TUBGCP4: variants seen among roughly 807,000 people sequenced by gnomAD.
TUBGCP4 encodes the protein tubulin gamma complex component 4.
TUBGCP4 carries 54 observed loss-of-function variants against 91.6 expected under a neutral mutation model. The ratio of observed to expected loss-of-function variants is 0.59; its 90% CI spans 0.47 to 0.74. The LOEUF (loss-of-function observed/expected upper bound fraction) is 0.74. Among genes scored for constraint, TUBGCP4 ranks in the 30% least tolerant of loss-of-function variants. TUBGCP4 has a pLI of 0.00. For missense variants in TUBGCP4, 593 were observed against 800.9 expected (o/e 0.74, Z 3.13); for synonymous variants, 297 against 302.8 (o/e 0.98, Z 0.20).
At chr15:43,386,611 G>C (rs2044377951) in intron 9 of TUBGCP4, among the ~76,000 whole-genome samples, 2 of 147,672 alleles carry the variant, frequency 1.4e-5, no homozygotes, top group Non-Finnish European at 3.0e-5. Context: ...TGTAGTCCCA[G>C]CTACTTACGA....
chr15:43,394,165 G>A (rs1281976038), intron 9 of TUBGCP4: 1 of 150,116 alleles, frequency 6.7e-6, no homozygotes, highest in Admixed American at 6.7e-5. Flanking sequence ...CTCACTGCAA[G>A]CTCTGCCTCC....
rs1346243554 is a variant in TUBGCP4, at chr15:43,401,969, A to ATTTT, written c.1731+122_1731+125dup. On this transcript the variant is annotated intron_variant, in intron 15 of 17. Transcript: ENST00000564079. ...CAATTATTCAAGTCCATTTTAAAAC[A>ATTTT]TTTTTTAAGAATGTGTAAAGCGGCG... is the stretch of plus-strand genomic sequence containing the variant. 2.2e-6 allele frequency: 3 copies of ATTTT among 1,362,948 alleles called. No individual in the cohort carries two copies. The African/African-American group carries it at 4.4e-5, about 20-fold the overall frequency. The allele number at this position is 1,362,948 out of a possible 1,614,324, so 84.4% of individuals were successfully genotyped here.
At chr15:43,404,277 G>A in intron 16 of TUBGCP4, 136 bp from the exon 17 acceptor site, 2 of 972,182 alleles carry the variant, frequency 2.1e-6, no homozygotes, top group East Asian at 2.6e-5. Context: ...AATAGAAATA[G>A]GAATGTGGGA....
intron 7 of TUBGCP4, 87 bp downstream of exon 7, chr15:43,383,591 G>A (rs547402574): frequency 3.7e-5 from 45 of 1,216,212 alleles, no homozygotes; most frequent in Admixed American, 8.1e-5. Context: ...TCCCTTCTTA[G>A]CTCATAGCTG....
chr15:43,372,096 G>A (rs1025491002), intron 1 of TUBGCP4, among the ~76,000 whole-genome samples: 2 of 152,144 alleles, frequency 1.3e-5, no homozygotes, highest in Non-Finnish European at 2.9e-5. Flanking sequence ...GGTCTGTCTG[G>A]CTTCAGTATT....
At chr15:43,383,913 G>A (rs1361692874) in intron 7 of TUBGCP4, among the ~76,000 whole-genome samples, 1 of 152,010 alleles carries the variant, frequency 6.6e-6, no homozygotes, top group East Asian at 1.9e-4. Context: ...CAATTCTCCT[G>A]CCTTAGCCTC....
chr15:43,371,119 G>C lies in TUBGCP4; in HGVS notation c.-236G>C, dbSNP rs1024371016. 6.8e-6 allele frequency: 4 copies of C among 590,822 alleles called. No individual in the cohort carries two copies. The African/African-American group carries it at 7.5e-5, about 11-fold the overall frequency. The allele number at this position is 590,822 out of a possible 1,614,324, so 36.6% of individuals were successfully genotyped here. A position where few individuals can be genotyped will look rare whatever the true frequency, so the allele number is the denominator to read the frequency against. ...GCGACTCAGTCTCCGCAGAGCCCGG[G>C]CGGGAGTAGCTGGTGGACCCCGTTG... On this transcript the variant is annotated 5_prime_UTR_variant, in exon 1 of 18. Transcript: ENST00000564079.
rs2044228926 is a variant in TUBGCP4 at position 43,377,667 on chromosome 15, C to T, written c.385-180C>T. 4 of 549,430 alleles carry T rather than the reference C, an allele frequency of 7.3e-6. No individual in the cohort carries two copies. The East Asian group carries it at 1.4e-4, about 19-fold the overall frequency. The allele number at this position is 549,430 out of a possible 1,614,324, so 34.0% of individuals were successfully genotyped here. On this transcript the variant is annotated intron_variant, in intron 4 of 17. Coordinates refer to ENST00000564079, the MANE Select transcript of TUBGCP4 (RefSeq NM_014444.5). ...AAAGAAACTGCCTCTCTCTGCCATC[C>T]TCTTCCTATCTGCAGCGAACCTCCA...
Position 43,406,586 on chromosome 15 carries a change from T to G in TUBGCP4, c.*1372T>G, listed in dbSNP as rs780167834. 4.4e-6 allele frequency: 2 copies of G among 456,008 alleles called. No homozygotes were observed. The highest frequency in any genetic ancestry group is 3.1e-5 in the South Asian group (2 of 64,554). 28.2% of individuals were successfully genotyped at this position (456,008 alleles called of 1,614,324 possible). On this transcript the variant is annotated 3_prime_UTR_variant, in exon 18 of 18. Coordinates refer to ENST00000564079, the MANE Select transcript of TUBGCP4 (RefSeq NM_014444.5). ...CCCACAAAGCCTGAAATATTTACTC[T>G]TTGACCCTTTACAGAAAAAAACCTT...
Position 43,397,085 on chromosome 15 carries a change from A to G in TUBGCP4, c.1172-129A>G, listed in dbSNP as rs2044593471. ...GAGAAGGATGGATGGGTGTTAGACA[A>G]ATGAAACAGATGTCCACTGTGTCCT... is the stretch of plus-strand genomic sequence containing the variant. On this transcript the variant is annotated intron_variant, in intron 11 of 17. Transcript: ENST00000564079. 4.2e-6 allele frequency: 3 copies of G among 710,006 alleles called. No individual in the cohort carries two copies. In the Admixed American group the frequency reaches 6.1e-5, roughly 14 times the overall value. 44.0% of individuals were successfully genotyped at this position (710,006 alleles called of 1,614,324 possible). A position where few individuals can be genotyped will look rare whatever the true frequency, so the allele number is the denominator to read the frequency against.
chr15:43,382,536 C>T (rs756526195), intron 6 of TUBGCP4, among the ~76,000 whole-genome samples: 56 of 152,308 alleles, frequency 3.7e-4, no homozygotes, highest in Admixed American at 1.9e-3. Flanking sequence ...TATAATGTTT[C>T]ACAATCTGGA....
chr15:43,409,179 G>A lies in TUBGCP4; in HGVS notation c.*3965G>A. ...CAGCAGCCATAATGAGCCATGAAGA[G>A]CAGATCTGAAGACTCCCAACTACTA... On this transcript the variant is annotated 3_prime_UTR_variant, in exon 18 of 18. Coordinates refer to ENST00000564079, the MANE Select transcript of TUBGCP4 (RefSeq NM_014444.5). The A allele has an allele frequency of 8.1e-6, 11 of 1,349,988 alleles. No homozygotes were observed. The highest frequency in any genetic ancestry group is 1.0e-5 in the Non-Finnish European group (10 of 955,426). 83.6% of individuals were successfully genotyped at this position (1,349,988 alleles called of 1,614,324 possible). A position where few individuals can be genotyped will look rare whatever the true frequency, so the allele number is the denominator to read the frequency against.
intron 5 of TUBGCP4, among the ~76,000 whole-genome samples, chr15:43,378,349 A>G (rs1341737187): frequency 6.6e-6 from 1 of 152,198 alleles, no homozygotes; most frequent in Non-Finnish European, 1.5e-5. Flanking sequence ...TCTTATCACA[A>G]GTTTTTATCA....
Position 43,384,182 on chromosome 15 carries a change from T to G in TUBGCP4, c.723+678T>G, listed in dbSNP as rs549557673. 8.5e-5 allele frequency among the ~76,000 whole-genome samples: 13 copies of G among 152,302 alleles called. No individual in the cohort carries two copies. The South Asian group carries it at 1.7e-3, about 19-fold the overall frequency. The stretch of plus-strand genomic sequence containing the variant: ...ATTCATCCATTCATCCATCCATCCA[T>G]TCATTCATTTATCCTGTGGCAATAT... On this transcript the variant is annotated intron_variant, in intron 7 of 17. Coordinates refer to ENST00000564079, the MANE Select transcript of TUBGCP4 (RefSeq NM_014444.5).
At chr15:43,373,494 T>TTA (rs1400112664) in intron 1 of TUBGCP4, among the ~76,000 whole-genome samples, 1 of 152,236 alleles carries the variant, frequency 6.6e-6, no homozygotes, top group African/African-American at 2.4e-5. Context: ...TTTACACATG[T>TTA]ATTAACTTAT....
chr15:43,383,553 A>C (rs1417631192), intron 7 of TUBGCP4, 49 bp downstream of exon 7: 4 of 1,496,326 alleles, frequency 2.7e-6, no homozygotes, highest in African/African-American at 2.8e-5. Flanking sequence ...GAGTCAGAAA[A>C]GCATGCACAC....
intron 7 of TUBGCP4, among the ~76,000 whole-genome samples, chr15:43,385,063 G>C (rs541088059): frequency 6.6e-6 from 1 of 152,322 alleles, no homozygotes; most frequent in South Asian, 2.1e-4. Context: ...TGACGATAGG[G>C]GTGTATACTG....
At chr15:43,379,640 CAAAAAA>C (rs1166566829) in intron 5 of TUBGCP4, among the ~76,000 whole-genome samples, 3 of 62,288 alleles carry the variant, frequency 4.8e-5, no homozygotes, top group Non-Finnish European at 8.9e-5. Flanking sequence ...GACTCCGTCT[CAAAAAA>C]AAAAAAAAAA....
intron 9 of TUBGCP4, 47 bp downstream of exon 9, chr15:43,386,377 A>ATATATTTTTTTTTTT (rs1555394852): frequency 1.6e-4 from 3 of 19,102 alleles, no homozygotes; most frequent in African/African-American, 8.9e-4. Context: ...ATATATATAT[A>ATATATTTTTTTTTTT]TTTTTTTTTT....
Sources: allele counts gnomAD v4.1 joint callset (sites outside exome capture counted in the v4.1 genomes callset), GRCh38; gene constraint gnomAD v4.1.1; transcripts MANE v1.5; gene names NCBI Gene and HGNC (gene_info 2026-07-23, HGNC 2026-07-21).